The following PDE4D variants were observed in gnomAD, a reference collection of about 807,000 sequenced individuals.
The protein encoded by PDE4D is 3',5'-cyclic-AMP phosphodiesterase 4D.
A neutral mutation model predicts 87.4 loss-of-function variants in PDE4D; 24 were observed. The observed-to-expected ratio is 0.27, with a 90% CI of 0.20 to 0.39. The LOEUF (loss-of-function observed/expected upper bound fraction) is 0.39, where lower values mean the gene tolerates loss of function less well. Among genes scored for constraint, PDE4D ranks in the 10% least tolerant of loss-of-function variants. The pLI, the probability that PDE4D is intolerant of heterozygous loss-of-function variation, is 1.00. For synonymous variants in PDE4D, 384 were observed against 383.2 expected (o/e 1.00, Z -0.02); for missense variants, 714 against 1,041.0 (o/e 0.69, Z 4.32).
At chr5:59,586,638 T>A in intron 1 of PDE4D, 3 of 1,198,518 alleles carry the variant, frequency 2.5e-6, no homozygotes, top group Non-Finnish European at 3.1e-6. Flanking sequence ...CACTAGTTAG[T>A]CAACATACTA....
chr5:59,871,133 C>T (rs537379636), intron 1 of PDE4D, among the ~76,000 whole-genome samples: 8 of 152,240 alleles, frequency 5.3e-5, no homozygotes, highest in African/African-American at 1.9e-4. Context: ...AAGGATTGTT[C>T]AAATGTAATT....
rs568093229 is a variant in PDE4D, at chr5:59,754,274, G to A, written c.455+138894C>T. Among the ~76,000 whole-genome samples the A allele has an allele frequency of 1.8e-4, 28 of 152,318 alleles. 1 individual carries two copies. In the South Asian group the frequency reaches 2.1e-3, roughly 11 times the overall value. On this transcript the variant is annotated intron_variant, in intron 1 of 14. Coordinates refer to ENST00000340635, the MANE Select transcript of PDE4D (RefSeq NM_001104631.2). The stretch of plus-strand genomic sequence containing the variant: ...GAACCCAGGAGGCAGAGGTTGCAGT[G>A]AGCTGAGATCGTGCCACTGCACTCC...
At chr5:59,695,404 G>A (rs999093749) in intron 1 of PDE4D, among the ~76,000 whole-genome samples, 1 of 151,920 alleles carries the variant, frequency 6.6e-6, no homozygotes, top group African/African-American at 2.4e-5. Context: ...TGCATAACAC[G>A]TTATGTATGC....
At chr5:59,934,278 C>T (rs781111705) in intron 3 of PDE4D, among the ~76,000 whole-genome samples, 10 of 152,182 alleles carry the variant, frequency 6.6e-5, no homozygotes, top group Non-Finnish European at 1.5e-4. Flanking sequence ...TACTGCATAA[C>T]GAAGTAAAAG....
chr5:59,186,187 C>G (rs1742871463), intron 3 of PDE4D, among the ~76,000 whole-genome samples: 1 of 152,124 alleles, frequency 6.6e-6, no homozygotes, highest in African/African-American at 2.4e-5. Flanking sequence ...TTCCAAATGT[C>G]TGAGTAGGTA....
chr5:59,373,392 A>T (rs1215605431), intron 1 of PDE4D, among the ~76,000 whole-genome samples: 2 of 152,258 alleles, frequency 1.3e-5, no homozygotes, highest in African/African-American at 4.8e-5. Context: ...TACAAGTACT[A>T]ATAACAGAAC....
chr5:60,345,802 A>G (rs1463037347), intron 1 of PDE4D, among the ~76,000 whole-genome samples: 1 of 152,098 alleles, frequency 6.6e-6, no homozygotes, highest in East Asian at 1.9e-4. Context: ...CTAGATTCCT[A>G]AAATAGGATA....
At chr5:59,492,055 G>C (rs1182500383) in intron 1 of PDE4D, among the ~76,000 whole-genome samples, 7 of 152,162 alleles carry the variant, frequency 4.6e-5, no homozygotes, top group Admixed American at 3.9e-4. Context: ...CACAGGTGTT[G>C]ATCTTAAGAG....
intron 1 of PDE4D, among the ~76,000 whole-genome samples, chr5:59,459,496 C>A (rs1800430270): frequency 1.3e-5 from 2 of 152,142 alleles, no homozygotes; most frequent in African/African-American, 2.4e-5. Context: ...TCTCTCCAGG[C>A]TGGGGCCAGG....
rs528544818 is a variant in PDE4D at position 59,249,157 on chromosome 5, C to T, written c.456-33189G>A. On this transcript the variant is annotated intron_variant, in intron 1 of 14. Transcript: ENST00000340635. The stretch of plus-strand genomic sequence containing the variant: ...CTATGCAACCCCAATAGAAAATAAG[C>T]GAAGAGACAAACAGAAAATTAACAG... 9.4e-4 allele frequency among the ~76,000 whole-genome samples: 142 copies of T among 151,866 alleles called. 4 individuals carry two copies. The South Asian group carries it at 0.02, about 21-fold the overall frequency.
chr5:60,162,802 G>T (rs1034197875), intron 2 of PDE4D, among the ~76,000 whole-genome samples: 4 of 151,822 alleles, frequency 2.6e-5, no homozygotes, highest in African/African-American at 9.7e-5. Context: ...GGCAAAGGAA[G>T]AAATTAATTT....
intron 1 of PDE4D, among the ~76,000 whole-genome samples, chr5:59,228,970 A>G (rs1435173076): frequency 6.6e-6 from 1 of 151,980 alleles, no homozygotes; most frequent in Non-Finnish European, 1.5e-5. Flanking sequence ...TGGCCTATTT[A>G]AAACTGGCAC....
At position 59,215,656 on chromosome 5, in the gene PDE4D, T is replaced by C. The variant is rs114155195; in HGVS notation, c.647+121A>G. ...TTTCTAGCTTGTATAATTTTATTCA[T>C]ATTCTTTCTACATTGGAGGAGAGTG... On this transcript the variant is annotated intron_variant, in intron 2 of 14. Transcript: ENST00000340635. 1,104 of 804,264 alleles carry C rather than the reference T, an allele frequency of 1.4e-3. 19 individuals carry two copies. In the African/African-American group the frequency reaches 0.017, roughly 12 times the overall value. 49.8% of individuals were successfully genotyped at this position (804,264 alleles called of 1,614,324 possible).
upstream of PDE4D, among the ~76,000 whole-genome samples, chr5:60,489,187 A>G (rs1287401419): frequency 6.6e-6 from 1 of 152,216 alleles, no homozygotes; most frequent in Non-Finnish European, 1.5e-5. Flanking sequence ...CCAATGACAA[A>G]TCCTTCCAAA....
chr5:59,650,658 G>T (rs1743300597), intron 1 of PDE4D, among the ~76,000 whole-genome samples: 1 of 152,088 alleles, frequency 6.6e-6, no homozygotes, highest in Non-Finnish European at 1.5e-5. Flanking sequence ...AAATACCTAA[G>T]ATTTCTGGTT....
chr5:59,297,974 ACT>A (rs1769415654), intron 1 of PDE4D, among the ~76,000 whole-genome samples: 1 of 151,932 alleles, frequency 6.6e-6, no homozygotes, highest in African/African-American at 2.4e-5. Context: ...GTAAAGAAGA[ACT>A]CTCTAATAAA....
intron 2 of PDE4D, among the ~76,000 whole-genome samples, chr5:60,114,123 G>T (rs986428569): frequency 1.3e-5 from 2 of 151,988 alleles, no homozygotes; most frequent in Admixed American, 1.3e-4. Flanking sequence ...CACCCGATTC[G>T]GTGAATCTCA....
intron 5 of PDE4D, among the ~76,000 whole-genome samples, chr5:59,156,320 A>AAAATATATATATATATAT (rs548335725): frequency 1.2e-5 from 1 of 81,780 alleles, no homozygotes; most frequent in South Asian, 3.9e-4. Flanking sequence ...AAAAAAAAAA[A>AAAATATATATATATATAT]ATATATATAT....
At chr5:59,171,048 A>G (rs1362974785) in intron 5 of PDE4D, among the ~76,000 whole-genome samples, 1 of 151,834 alleles carries the variant, frequency 6.6e-6, no homozygotes, top group Non-Finnish European at 1.5e-5. Context: ...CGCCTGGCTA[A>G]TTTTTGTATT....
Sources: gnomAD v4.1 joint callset for allele counts (sites outside exome capture counted in the v4.1 genomes callset) on GRCh38, gnomAD v4.1.1 for gene constraint, MANE v1.5 for transcripts, NCBI Gene and HGNC (gene_info 2026-07-23, HGNC 2026-07-21) for gene names.